Variants in CAMKMT observed in about 807,000 individuals in gnomAD.
The protein encoded by CAMKMT is CaM KMT.
A neutral mutation model predicts 48.0 loss-of-function variants in CAMKMT; 53 were observed. The observed-to-expected ratio is 1.10, with a 90% CI of 0.89 to 1.39. The LOEUF (loss-of-function observed/expected upper bound fraction) is 1.39. Ranked by LOEUF, CAMKMT falls within the 40% of genes most tolerant of loss-of-function variation. The pLI, the probability that CAMKMT is intolerant of heterozygous loss-of-function variation, is 0.00. For missense variants in CAMKMT, 428 were observed against 402.7 expected (o/e 1.06, Z -0.54); for synonymous variants, 165 against 152.3 (o/e 1.08, Z -0.61).
chr2:44,484,257 C>T (rs1163254433), intron 3 of CAMKMT, among the ~76,000 whole-genome samples: 1 of 150,344 alleles, frequency 6.7e-6, no homozygotes, highest in African/African-American at 2.4e-5. Context: ...ATGTAAAGAA[C>T]CAATAATAGT....
At chr2:44,508,672 T>A (rs1028337912) in intron 3 of CAMKMT, among the ~76,000 whole-genome samples, 12 of 152,228 alleles carry the variant, frequency 7.9e-5, no homozygotes, top group Admixed American at 6.5e-4. Context: ...TAACTTTCTA[T>A]GGGATTTTTT....
At position 44,617,041 on chromosome 2, in the gene CAMKMT, C is replaced by T. The variant is rs140883429; in HGVS notation, c.377-87242C>T. 9.9e-3 allele frequency among the ~76,000 whole-genome samples: 1,508 copies of T among 152,234 alleles called. 6 individuals carry two copies. Among genetic ancestry groups the T allele is most frequent in the Non-Finnish European group, 0.015 (1,027 of 67,998 alleles). ...ATATCTCCTTGTCACATGTGTCCTA[C>T]GTGATAGTGCCGTGAATGTCATGGG... On this transcript the variant is annotated intron_variant, in intron 3 of 10. Coordinates refer to ENST00000378494, the MANE Select transcript of CAMKMT (RefSeq NM_024766.5).
At position 44,701,152 on chromosome 2, in the gene CAMKMT, G is replaced by C. The variant is rs1439270293; in HGVS notation, c.377-3131G>C. 2.0e-5 allele frequency among the ~76,000 whole-genome samples: 3 copies of C among 152,156 alleles called. No individual in the cohort carries two copies. In the East Asian group the frequency reaches 5.8e-4, roughly 29 times the overall value. On this transcript the variant is annotated intron_variant, in intron 3 of 10. Coordinates refer to ENST00000378494, the MANE Select transcript of CAMKMT (RefSeq NM_024766.5). ...ATTTTGATTTATCTTGGGTAGCAGT[G>C]GAATTGCTGGGTCATATTATAATCT...
chr2:44,669,208 TG>T (rs1675186520), intron 3 of CAMKMT, among the ~76,000 whole-genome samples: 1 of 152,258 alleles, frequency 6.6e-6, no homozygotes, highest in Non-Finnish European at 1.5e-5. Context: ...TATATTCTTC[TG>T]TGAATTGCTT....
intron 3 of CAMKMT, among the ~76,000 whole-genome samples, chr2:44,433,746 T>C (rs554979202): frequency 3.3e-5 from 5 of 152,366 alleles, no homozygotes; most frequent in East Asian, 3.9e-4. Context: ...ATATGGCTTA[T>C]GCAAGTAAGT....
At chr2:44,433,059 G>T (rs1249379948) in intron 3 of CAMKMT, among the ~76,000 whole-genome samples, 1 of 152,058 alleles carries the variant, frequency 6.6e-6, no homozygotes, top group African/African-American at 2.4e-5. Flanking sequence ...TGTCCTTTTG[G>T]CAGAGAGGAA....
In CAMKMT at chr2:44,677,704, G is replaced by A. The variant is rs554521271; in HGVS notation, c.377-26579G>A. Reference sequence around the variant, plus strand: ...GACTGGGCAACAGAATTGAGACTCCGTCTAAAAAAAAAAAAAGCGTATTTA... The same window carrying A: ...GACTGGGCAACAGAATTGAGACTCCATCTAAAAAAAAAAAAAGCGTATTTA... On this transcript the variant is annotated intron_variant, in intron 3 of 10. Transcript: ENST00000378494. Among the ~76,000 whole-genome samples, 204 of 112,064 alleles carry A rather than the reference G, an allele frequency of 1.8e-3. 1 individual carries two copies. Among genetic ancestry groups the A allele is most frequent in the Admixed American group, 6.8e-3 (84 of 12,426 alleles). The allele number at this position is 112,064 out of a possible 152,430, so 73.5% of individuals were successfully genotyped here.
At chr2:44,382,667 T>A (rs1010112225) in intron 2 of CAMKMT, among the ~76,000 whole-genome samples, 11 of 151,674 alleles carry the variant, frequency 7.3e-5, no homozygotes, top group African/African-American at 2.7e-4. Flanking sequence ...TTTTAGTAGA[T>A]ACAGGGTTTC....
chr2:44,422,171 G>T (rs1356847354), intron 3 of CAMKMT, among the ~76,000 whole-genome samples: 1 of 152,200 alleles, frequency 6.6e-6, no homozygotes. Context: ...ACAGAATCTG[G>T]TTGTTTAAAA....
intron 3 of CAMKMT, among the ~76,000 whole-genome samples, chr2:44,688,709 C>G (rs1351246958): frequency 6.6e-6 from 1 of 152,116 alleles, no homozygotes; most frequent in Non-Finnish European, 1.5e-5. Flanking sequence ...AGTTCTCCTC[C>G]TTCCCCCTTC....
At chr2:44,561,435 A>G (rs1668318626) in intron 3 of CAMKMT, among the ~76,000 whole-genome samples, 1 of 152,200 alleles carries the variant, frequency 6.6e-6, no homozygotes, top group East Asian at 1.9e-4. Context: ...TTCTGAACAT[A>G]CAGTTTACTT....
intron 3 of CAMKMT, among the ~76,000 whole-genome samples, chr2:44,627,395 T>C (rs1052789664): frequency 1.3e-5 from 2 of 152,152 alleles, no homozygotes; most frequent in Non-Finnish European, 2.9e-5. Context: ...ATTGCTGGAC[T>C]CGTAAAATAC....
intron 3 of CAMKMT, among the ~76,000 whole-genome samples, chr2:44,640,815 C>G (rs1221501180): frequency 6.6e-6 from 1 of 152,190 alleles, no homozygotes; most frequent in Non-Finnish European, 1.5e-5. Flanking sequence ...GAGATATTCT[C>G]AAGCTTCTTT....
chr2:44,520,814 G>A (rs1024901346), intron 3 of CAMKMT, among the ~76,000 whole-genome samples: 5 of 152,090 alleles, frequency 3.3e-5, no homozygotes, highest in African/African-American at 9.7e-5. Flanking sequence ...TGCTATTCTC[G>A]TGATAATGAG....
chr2:44,692,674 C>T (rs184830379), intron 3 of CAMKMT, among the ~76,000 whole-genome samples: 1 of 148,380 alleles, frequency 6.7e-6, no homozygotes, highest in Admixed American at 6.6e-5. Flanking sequence ...CCATAAGAGC[C>T]AGTATTCAAG....
At chr2:44,768,482 C>G (rs960193579) in intron 10 of CAMKMT, among the ~76,000 whole-genome samples, 4 of 151,778 alleles carry the variant, frequency 2.6e-5, no homozygotes, top group Non-Finnish European at 4.4e-5. Flanking sequence ...GTGTGCTGAC[C>G]GGGCTGGCAC....
chr2:44,763,716 G>A (rs1680714242), intron 9 of CAMKMT, among the ~76,000 whole-genome samples: 1 of 152,176 alleles, frequency 6.6e-6, no homozygotes, highest in Non-Finnish European at 1.5e-5. Context: ...GAGAGCTGAA[G>A]GAGGAAAGGG....
At chr2:44,718,096 C>T (rs895508374) in intron 7 of CAMKMT, among the ~76,000 whole-genome samples, 1 of 152,160 alleles carries the variant, frequency 6.6e-6, no homozygotes, top group Non-Finnish European at 1.5e-5. Flanking sequence ...GAACACATTA[C>T]TAGGGCTTGT....
intron 3 of CAMKMT, among the ~76,000 whole-genome samples, chr2:44,440,038 G>A (rs1448250716): frequency 2.0e-5 from 3 of 152,122 alleles, no homozygotes; most frequent in Non-Finnish European, 4.4e-5. Flanking sequence ...ATGGGATATG[G>A]CTTCTTATGG....
Sources: gnomAD v4.1 joint callset for allele counts (sites outside exome capture counted in the v4.1 genomes callset) on GRCh38, gnomAD v4.1.1 for gene constraint, MANE v1.5 for transcripts, NCBI Gene and HGNC (gene_info 2026-07-23, HGNC 2026-07-21) for gene names.